Variants in IL15 observed in about 807,000 individuals in gnomAD.
IL15 encodes interleukin-15.
Under a neutral mutation model 19.6 loss-of-function variants are expected in IL15, and 11 were observed. That is an observed-to-expected ratio of 0.56 (90% CI 0.35 to 0.93). The LOEUF is 0.93. IL15 is among the 40% of genes least tolerant of loss of function. IL15 has a pLI of 0.01. For missense variants in IL15, 197 were observed against 186.5 expected (o/e 1.06, Z -0.33); for synonymous variants, 58 against 59.6 (o/e 0.97, Z 0.12).
chr4:141,721,770 G>T lies in IL15; in HGVS notation c.111-154G>T, dbSNP rs1336101897. 5 of 675,824 alleles carry T rather than the reference G, an allele frequency of 7.4e-6. No homozygotes were observed. In the East Asian group the frequency reaches 1.4e-4, roughly 19 times the overall value. 41.9% of individuals were successfully genotyped at this position (675,824 alleles called of 1,614,324 possible). On this transcript the variant is annotated intron_variant, in intron 4 of 7. Transcript: ENST00000320650. ...ATTGTACTATATGCTCAATGTTTAT[G>T]TTCAGTTACAAGGCTGTTGAATGCA... is the stretch of plus-strand genomic sequence containing the variant.
At chr4:141,668,284 C>G (rs138395364) in intron 2 of IL15, among the ~76,000 whole-genome samples, 319 of 152,288 alleles carry the variant, frequency 2.1e-3, no homozygotes, top group African/African-American at 7.3e-3. Context: ...AGCCTACCTC[C>G]CTGGGCCAGG....
chr4:141,723,290 T>C (rs1459586202), intron 5 of IL15, among the ~76,000 whole-genome samples: 1 of 152,162 alleles, frequency 6.6e-6, no homozygotes, highest in Non-Finnish European at 1.5e-5. Flanking sequence ...ATATAATTAA[T>C]GAAATTAAGA....
chr4:141,670,285 C>G (rs1481125795), intron 2 of IL15, among the ~76,000 whole-genome samples: 1 of 151,966 alleles, frequency 6.6e-6, no homozygotes, highest in African/African-American at 2.4e-5. Flanking sequence ...TAGAATAAGA[C>G]AGGCTATAAG....
rs148188978 is a variant in IL15, at chr4:141,677,936, AAACAG to A, written c.-100+21630_-100+21634del. Among the ~76,000 whole-genome samples, 293 of 152,322 alleles carry A rather than the reference AAACAG, an allele frequency of 1.9e-3. 2 individuals are homozygous for A. Among genetic ancestry groups the A allele is most frequent in the African/African-American group, 6.4e-3 (267 of 41,570 alleles). On this transcript the variant is annotated intron_variant, in intron 2 of 7. Transcript: ENST00000320650. ...TCTGCTTACCATATCATATTGCTCA[AAACAG>A]TAATTGGCAGAGTTAGAGGTCAAGC...
At chr4:141,720,722 G>A (rs758359740) in intron 4 of IL15, 156 bp downstream of exon 4, 109 of 644,604 alleles carry the variant, frequency 1.7e-4, no homozygotes, top group Admixed American at 2.5e-4. Flanking sequence ...GATTTAGAGA[G>A]GTTTGGTAAA....
chr4:141,678,757 A>C (rs1467861718), intron 2 of IL15, among the ~76,000 whole-genome samples: 1 of 152,002 alleles, frequency 6.6e-6, no homozygotes, highest in Non-Finnish European at 1.5e-5. Flanking sequence ...ACGTGCCACC[A>C]CACCCGGCTA....
At chr4:141,729,358 A>G (rs1263763506) in intron 6 of IL15, among the ~76,000 whole-genome samples, 1 of 152,146 alleles carries the variant, frequency 6.6e-6, no homozygotes, top group Non-Finnish European at 1.5e-5. Context: ...AGTGGACACT[A>G]GTCCTGCTTT....
At chr4:141,723,530 C>G (rs190442916) in intron 5 of IL15, among the ~76,000 whole-genome samples, 2 of 152,192 alleles carry the variant, frequency 1.3e-5, no homozygotes, top group East Asian at 3.9e-4. Flanking sequence ...GAACATGGCC[C>G]TACCAACACC....
rs1728235420 is a variant in IL15, at chr4:141,673,307, G to C, written c.-100+17000G>C. ...ACCTATCTTTTCATTGTGTACAACA[G>C]ATCAAACATTCTGCTTTGTAAGTAT... On this transcript the variant is annotated intron_variant, in intron 2 of 7. Transcript: ENST00000320650. 2.6e-5 allele frequency among the ~76,000 whole-genome samples: 4 copies of C among 152,138 alleles called. No individual in the cohort carries two copies. In the South Asian group the frequency reaches 8.3e-4, roughly 31 times the overall value.
At chr4:141,713,205 C>T (rs1729766212) in intron 2 of IL15, among the ~76,000 whole-genome samples, 1 of 152,016 alleles carries the variant, frequency 6.6e-6, no homozygotes, top group Non-Finnish European at 1.5e-5. Context: ...TGTCTTAGTG[C>T]GATTAATGAT....
intron 2 of IL15, among the ~76,000 whole-genome samples, chr4:141,708,239 G>A (rs1462075627): frequency 6.6e-6 from 1 of 152,194 alleles, no homozygotes; most frequent in African/African-American, 2.4e-5. Flanking sequence ...TGCCATGTGA[G>A]TTTGGACACT....
At chr4:141,716,028 C>G (rs76796152) in intron 2 of IL15, 1 of 152,108 alleles carries the variant, frequency 6.6e-6, no homozygotes, top group Non-Finnish European at 1.5e-5. Context: ...TGTGTGACTA[C>G]GAGTCTAAGG....
chr4:141,719,267 G>T, intron 2 of IL15, 99 bp from the exon 3 acceptor site: 1 of 471,608 alleles, frequency 2.1e-6, no homozygotes, highest in Non-Finnish European at 3.8e-6. Flanking sequence ...AACTAATAGA[G>T]TGCTTATTAA....
chr4:141,733,021 A>G lies in IL15; in HGVS notation c.*173A>G, dbSNP rs1730504027. ...TTAGAAATGAAGGCAGAAAAATGTCATTGAGTAATATAGTGACTATGAACT... is the reference window on the plus strand; with the variant it reads ...TTAGAAATGAAGGCAGAAAAATGTCGTTGAGTAATATAGTGACTATGAACT... On this transcript the variant is annotated 3_prime_UTR_variant, in exon 8 of 8. Transcript: ENST00000320650. 3.1e-6 allele frequency: 3 copies of G among 956,126 alleles called. No homozygotes were observed. The highest frequency in any genetic ancestry group is 1.7e-5 in the African/African-American group (1 of 58,894). 59.2% of individuals were successfully genotyped at this position (956,126 alleles called of 1,614,324 possible).
chr4:141,731,386 A>G (rs1018567211), intron 7 of IL15, among the ~76,000 whole-genome samples: 2 of 152,202 alleles, frequency 1.3e-5, no homozygotes, highest in Admixed American at 6.5e-5. Context: ...AAATTCCCAG[A>G]ACAGTGTCTC....
intron 2 of IL15, among the ~76,000 whole-genome samples, chr4:141,704,156 C>A (rs539843961): frequency 6.6e-6 from 1 of 152,140 alleles, no homozygotes; most frequent in African/African-American, 2.4e-5. Context: ...AAGCTTTCAG[C>A]AATTCCCCCT....
rs1560936347 is a variant in IL15, at chr4:141,719,475, CG to C, written c.12+1del. On this transcript the variant is annotated frameshift_variant and splice_region_variant, in exon 3 of 8. Transcript: ENST00000320650. LOFTEE classifies it high-confidence loss of function. MRI[S>X]KPHLRSISIQ... ...CCGTGGCTTTGAGTAATGAGAATTT[CG>C]GTAAGAAAAAAAATAGATGAAAATA... 9.1e-7 allele frequency: 1 copy of C among 1,103,670 alleles called. No individual in the cohort carries two copies. Among genetic ancestry groups the C allele is most frequent in the Non-Finnish European group, 1.4e-6 (1 of 719,526 alleles). 68.4% of individuals were successfully genotyped at this position (1,103,670 alleles called of 1,614,324 possible). A position where few individuals can be genotyped will look rare whatever the true frequency, so the allele number is the denominator to read the frequency against.
chr4:141,693,385 G>A (rs1728988642), intron 2 of IL15, among the ~76,000 whole-genome samples: 1 of 152,132 alleles, frequency 6.6e-6, no homozygotes, highest in African/African-American at 2.4e-5. Flanking sequence ...AATACTATGT[G>A]TTGCTTATCT....
In IL15 at chr4:141,698,778, A is replaced by T. The variant is rs375809979; in HGVS notation, c.-99-20588A>T. On this transcript the variant is annotated intron_variant, in intron 2 of 7. Transcript: ENST00000320650. ...TCCATTTTGTTTATTTTTTCAAAGA[A>T]CCAGCTTTTTGTTTCATTTATCTTT... Among the ~76,000 whole-genome samples, 164 of 151,378 alleles carry T rather than the reference A, an allele frequency of 1.1e-3. 1 individual carries two copies. The highest frequency in any genetic ancestry group is 3.8e-3 in the African/African-American group (156 of 41,330).
Sources: gnomAD v4.1 joint callset for allele counts (sites outside exome capture counted in the v4.1 genomes callset) on GRCh38, gnomAD v4.1.1 for gene constraint, MANE v1.5 for transcripts, NCBI Gene and HGNC (gene_info 2026-07-23, HGNC 2026-07-21) for gene names.